TNR: variants seen among roughly 807,000 people sequenced by gnomAD.
The protein encoded by TNR is tenascin R, also known as tenascin-R.
TNR carries 45 observed loss-of-function variants against 150.4 expected under a neutral mutation model. The ratio of observed to expected loss-of-function variants is 0.30; its 90% CI spans 0.24 to 0.38. The LOEUF is 0.38. Ranked by LOEUF, TNR falls within the 10% of genes least tolerant of loss-of-function variation. TNR has a pLI of 1.00. For synonymous variants in TNR, 687 were observed against 678.4 expected, an observed-to-expected ratio of 1.01 and a Z score of -0.20; for missense variants, 1,544 against 1,759.1, an observed-to-expected ratio of 0.88 and a Z score of 2.19.
intron 1 of TNR, among the ~76,000 whole-genome samples, chr1:175,568,778 C>A (rs796142612): frequency 2.6e-4 from 39 of 152,262 alleles, no homozygotes; most frequent in African/African-American, 9.4e-4. Flanking sequence ...GGACTTGAGA[C>A]TCTTGAAGGA....
intron 1 of TNR, among the ~76,000 whole-genome samples, chr1:175,635,489 A>G (rs1664465508): frequency 6.6e-6 from 1 of 152,210 alleles, no homozygotes; most frequent in Admixed American, 6.5e-5. Flanking sequence ...TTTGTAGAAC[A>G]CATTTTATCA....
intron 1 of TNR, among the ~76,000 whole-genome samples, chr1:175,704,772 A>G (rs1435652152): frequency 5.3e-5 from 8 of 152,234 alleles, no homozygotes; most frequent in Non-Finnish European, 1.2e-4. Flanking sequence ...TATGCCTTTC[A>G]AGTAGATTAA....
chr1:175,517,211 G>A (rs1277791106), intron 2 of TNR, among the ~76,000 whole-genome samples: 1 of 152,062 alleles, frequency 6.6e-6, no homozygotes, highest in Non-Finnish European at 1.5e-5. Context: ...TCTCACATAT[G>A]CTTCAGCTCC....
At chr1:175,337,800 C>T in intron 18 of TNR, 121 bp from the exon 19 acceptor site, 1 of 1,136,242 alleles carries the variant, frequency 8.8e-7, no homozygotes, top group Non-Finnish European at 1.2e-6. Flanking sequence ...GTAAGAAATC[C>T]TCAACGGAGC....
chr1:175,441,032 T>C (rs1655765297), intron 2 of TNR, among the ~76,000 whole-genome samples: 1 of 152,150 alleles, frequency 6.6e-6, no homozygotes, highest in Non-Finnish European at 1.5e-5. Flanking sequence ...ATTTCTCTTT[T>C]GATTGCTTCC....
chr1:175,714,533 G>A (rs928076239), intron 1 of TNR, among the ~76,000 whole-genome samples: 5 of 152,138 alleles, frequency 3.3e-5, no homozygotes, highest in African/African-American at 1.2e-4. Context: ...TAGATGGGCT[G>A]GTGATAAACA....
intron 1 of TNR, among the ~76,000 whole-genome samples, chr1:175,535,759 T>C (rs1225949910): frequency 6.6e-6 from 1 of 152,168 alleles, no homozygotes; most frequent in Admixed American, 6.5e-5. Flanking sequence ...TTAGAAAGGA[T>C]GGAGTTTAGA....
chr1:175,378,899 G>C (rs1347516382), intron 9 of TNR, among the ~76,000 whole-genome samples: 1 of 152,202 alleles, frequency 6.6e-6, no homozygotes, highest in Non-Finnish European at 1.5e-5. Context: ...TCACTGGAAG[G>C]CCAGGTGCAG....
chr1:175,481,037 C>T (rs1252102340), intron 2 of TNR, among the ~76,000 whole-genome samples: 4 of 152,072 alleles, frequency 2.6e-5, no homozygotes, highest in Admixed American at 6.6e-5. Context: ...AAACCTTCTG[C>T]GTTGTCACTG....
chr1:175,525,906 C>T (rs1381213590), intron 2 of TNR, among the ~76,000 whole-genome samples: 1 of 151,964 alleles, frequency 6.6e-6, no homozygotes. Flanking sequence ...TAGCCAGGTG[C>T]CTAGTTTGGT....
chr1:175,566,933 A>T (rs1661666696), intron 1 of TNR, among the ~76,000 whole-genome samples: 1 of 152,222 alleles, frequency 6.6e-6, no homozygotes, highest in African/African-American at 2.4e-5. Context: ...GTCTGCAGCT[A>T]CTGTCCCTAC....
intron 21 of TNR, among the ~76,000 whole-genome samples, chr1:175,327,944 C>T (rs1649505066): frequency 6.6e-6 from 1 of 152,158 alleles, no homozygotes; most frequent in African/African-American, 2.4e-5. Context: ...CCCATCTCTA[C>T]TAAAAATACA....
intron 1 of TNR, among the ~76,000 whole-genome samples, chr1:175,556,166 C>T (rs924260634): frequency 6.6e-6 from 1 of 152,208 alleles, no homozygotes; most frequent in Non-Finnish European, 1.5e-5. Context: ...GGCTCCTTGG[C>T]CACTGGGGAA....
intron 20 of TNR, chr1:175,333,375 G>A (rs1001634834): frequency 2.4e-4 from 37 of 152,262 alleles, no homozygotes; most frequent in African/African-American, 8.7e-4. Flanking sequence ...TTTGGGAAAC[G>A]TGAGTCCTGT....
chr1:175,642,198 G>T (rs538197400), intron 1 of TNR, among the ~76,000 whole-genome samples: 1 of 152,180 alleles, frequency 6.6e-6, no homozygotes, highest in South Asian at 2.1e-4. Context: ...CCCGCCCCCA[G>T]TCCACAAGGG....
At chr1:175,396,945 T>A in intron 4 of TNR, 138 bp from the exon 5 acceptor site, 1 of 1,138,906 alleles carries the variant, frequency 8.8e-7, no homozygotes, top group Non-Finnish European at 1.2e-6. Flanking sequence ...AAGTGATTTG[T>A]AACTTCCTTT....
At chr1:175,343,490 G>A (rs569761042) in intron 18 of TNR, among the ~76,000 whole-genome samples, 2 of 152,304 alleles carry the variant, frequency 1.3e-5, no homozygotes, top group African/African-American at 4.8e-5. Context: ...AATCAAGAAA[G>A]ACTTCCTACT....
At chr1:175,674,879 GACAA>G (rs1665813856) in intron 1 of TNR, among the ~76,000 whole-genome samples, 1 of 152,112 alleles carries the variant, frequency 6.6e-6, no homozygotes, top group African/African-American at 2.4e-5. Context: ...ATTGGATTGT[GACAA>G]ACATTTAATA....
chr1:175,446,043 C>G (rs1656033144), intron 2 of TNR, among the ~76,000 whole-genome samples: 1 of 152,192 alleles, frequency 6.6e-6, no homozygotes, highest in Non-Finnish European at 1.5e-5. Flanking sequence ...CCCAAACTAT[C>G]TAGGTCTAAA....
Sources: allele counts gnomAD v4.1 joint callset (sites outside exome capture counted in the v4.1 genomes callset), GRCh38; gene constraint gnomAD v4.1.1; transcripts MANE v1.5; gene names NCBI Gene and HGNC (gene_info 2026-07-23, HGNC 2026-07-21).